TMEFF2: variants seen among roughly 807,000 people sequenced by gnomAD.
TMEFF2 encodes transmembrane protein with EGF like and two follistatin like domains 2, also known as tomoregulin-2.
TMEFF2 carries 28 observed loss-of-function variants against 53.8 expected under a neutral mutation model. The ratio of observed to expected loss-of-function variants is 0.52; its 90% CI spans 0.39 to 0.71. The LOEUF (loss-of-function observed/expected upper bound fraction) is 0.71. Ranked by LOEUF, TMEFF2 falls within the 30% of genes least tolerant of loss-of-function variation. The pLI, the probability that TMEFF2 is intolerant of heterozygous loss-of-function variation, is 0.00. For missense variants in TMEFF2, 353 were observed against 455.2 expected, an observed-to-expected ratio of 0.78 and a Z score of 2.04; for synonymous variants, 162 against 166.3, an observed-to-expected ratio of 0.97 and a Z score of 0.20.
At chr2:192,133,342 C>T (rs543771362) in intron 4 of TMEFF2, among the ~76,000 whole-genome samples, 22 of 152,144 alleles carry the variant, frequency 1.4e-4, no homozygotes, top group Non-Finnish European at 2.5e-4. Context: ...CCTTGGTGAC[C>T]GATCACGCAC....
At chr2:192,001,448 A>G (rs1686356665) in intron 5 of TMEFF2, among the ~76,000 whole-genome samples, 1 of 152,174 alleles carries the variant, frequency 6.6e-6, no homozygotes, top group African/African-American at 2.4e-5. Context: ...TCAGTGAAAA[A>G]GTCACATATA....
chr2:191,953,942 T>G (rs920299757), intron 8 of TMEFF2, 105 bp from the exon 9 acceptor site: 1 of 1,002,932 alleles, frequency 1.0e-6, no homozygotes, highest in Non-Finnish European at 1.4e-6. Context: ...CAGGCTGGAG[T>G]GCAGTGGCGC....
chr2:192,112,199 G>A (rs965068131), intron 4 of TMEFF2, among the ~76,000 whole-genome samples: 4 of 152,162 alleles, frequency 2.6e-5, no homozygotes, highest in African/African-American at 9.7e-5. Context: ...TGTGCACCTG[G>A]AAACGCTGCA....
intron 4 of TMEFF2, among the ~76,000 whole-genome samples, chr2:192,162,305 T>C (rs1690653369): frequency 6.6e-6 from 1 of 152,184 alleles, no homozygotes; most frequent in Non-Finnish European, 1.5e-5. Flanking sequence ...CTGTGTCTGT[T>C]ATTTATGGAT....
At chr2:192,109,804 A>G (rs904253308) in intron 4 of TMEFF2, among the ~76,000 whole-genome samples, 1 of 152,118 alleles carries the variant, frequency 6.6e-6, no homozygotes, top group African/African-American at 2.4e-5. Context: ...TGGACATATT[A>G]TGTTGTAGGT....
chr2:192,054,871 T>C (rs913631451), intron 5 of TMEFF2, among the ~76,000 whole-genome samples: 4 of 152,122 alleles, frequency 2.6e-5, no homozygotes, highest in Non-Finnish European at 4.4e-5. Flanking sequence ...CTACCTCCTA[T>C]GGCTATTTTG....
intron 4 of TMEFF2, among the ~76,000 whole-genome samples, chr2:192,094,004 G>A (rs1468854562): frequency 4.6e-5 from 7 of 152,142 alleles, no homozygotes; most frequent in Admixed American, 2.0e-4. Flanking sequence ...GTTTTCTCAC[G>A]CCTGTGGGTT....
chr2:191,971,139 G>A (rs1269802975), intron 7 of TMEFF2, among the ~76,000 whole-genome samples: 4 of 152,300 alleles, frequency 2.6e-5, no homozygotes, highest in Middle Eastern at 3.4e-3. Context: ...AGGATCCAAT[G>A]TGAGTCTAAA....
intron 5 of TMEFF2, chr2:192,037,104 A>G (rs1471888137): frequency 6.6e-6 from 1 of 152,006 alleles, no homozygotes; most frequent in African/African-American, 2.4e-5. Context: ...CTAAATAAAT[A>G]TCTCCTCATA....
chr2:191,956,423 C>A (rs1574242089), intron 7 of TMEFF2, 45 bp from the exon 8 acceptor site: 1 of 1,590,538 alleles, frequency 6.3e-7, no homozygotes, highest in East Asian at 2.2e-5. Context: ...AATACTTAGC[C>A]TGGTAAGATC....
intron 4 of TMEFF2, among the ~76,000 whole-genome samples, chr2:192,103,835 T>C (rs1381074128): frequency 6.6e-6 from 1 of 151,376 alleles, no homozygotes; most frequent in Non-Finnish European, 1.5e-5. Context: ...GCATGCTTGG[T>C]GTGTTTGAGA....
chr2:192,077,770 A>G (rs2105922520), intron 4 of TMEFF2, among the ~76,000 whole-genome samples: 1 of 151,970 alleles, frequency 6.6e-6, no homozygotes, highest in African/African-American at 2.4e-5. Flanking sequence ...GTTCATATAT[A>G]CTTGTACACA....
chr2:192,186,502 T>C (rs1321289936), intron 2 of TMEFF2, among the ~76,000 whole-genome samples: 1 of 152,142 alleles, frequency 6.6e-6, no homozygotes, highest in East Asian at 1.9e-4. Context: ...TAGGATTATG[T>C]TGATCTATGA....
chr2:192,026,394 C>T (rs1275626241), intron 5 of TMEFF2, among the ~76,000 whole-genome samples: 1 of 152,136 alleles, frequency 6.6e-6, no homozygotes, highest in Non-Finnish European at 1.5e-5. Flanking sequence ...GACTGTGTGT[C>T]AATGCACATT....
intron 4 of TMEFF2, among the ~76,000 whole-genome samples, chr2:192,136,917 G>T (rs889514113): frequency 1.3e-5 from 2 of 152,074 alleles, no homozygotes; most frequent in South Asian, 2.1e-4. Flanking sequence ...CAAATAATTT[G>T]GCAGTTATAA....
intron 4 of TMEFF2, among the ~76,000 whole-genome samples, chr2:192,118,997 T>C (rs1334247511): frequency 6.6e-6 from 1 of 152,194 alleles, no homozygotes; most frequent in Non-Finnish European, 1.5e-5. Context: ...TCAGAGCTTA[T>C]AAATATACCT....
chr2:192,174,456 C>T (rs1260718433), intron 4 of TMEFF2, among the ~76,000 whole-genome samples: 1 of 151,528 alleles, frequency 6.6e-6, no homozygotes, highest in Non-Finnish European at 1.5e-5. Flanking sequence ...ATTTTGTTAT[C>T]CATTACATGG....
chr2:192,095,167 G>A (rs1002622319), intron 4 of TMEFF2, among the ~76,000 whole-genome samples: 2 of 152,130 alleles, frequency 1.3e-5, no homozygotes, highest in African/African-American at 4.8e-5. Flanking sequence ...GTAGACTGCA[G>A]AGTCCTATTA....
chr2:191,958,229 G>T (rs1298286319), intron 7 of TMEFF2, among the ~76,000 whole-genome samples: 1 of 152,160 alleles, frequency 6.6e-6, no homozygotes, highest in Non-Finnish European at 1.5e-5. Flanking sequence ...CTGGTGTAAT[G>T]AACCAGCTCT....
Sources: gnomAD v4.1 joint callset for allele counts (sites outside exome capture counted in the v4.1 genomes callset) on GRCh38, gnomAD v4.1.1 for gene constraint, MANE v1.5 for transcripts, NCBI Gene and HGNC (gene_info 2026-07-23, HGNC 2026-07-21) for gene names.